The following MOB3B variants were observed in gnomAD, a reference collection of about 807,000 sequenced individuals.
The protein encoded by MOB3B is MOB kinase activator 3B.
MOB3B carries 7 observed loss-of-function variants against 18.7 expected under a neutral mutation model. That is an observed-to-expected ratio of 0.37 (90% CI 0.21 to 0.70). MOB3B has a LOEUF of 0.70. MOB3B is among the 30% of genes least tolerant of loss of function. MOB3B has a pLI of 0.52. For missense variants in MOB3B, 253 were observed against 281.3 expected, an observed-to-expected ratio of 0.90 and a Z score of 0.72; for synonymous variants, 111 against 99.9, an observed-to-expected ratio of 1.11 and a Z score of -0.66.
chr9:27,400,889 G>C (rs905418424), intron 2 of MOB3B, among the ~76,000 whole-genome samples: 1 of 152,224 alleles, frequency 6.6e-6, no homozygotes, highest in Non-Finnish European at 1.5e-5. Context: ...GGCTTCTGTG[G>C]AGAAGGCAAA....
intron 2 of MOB3B, chr9:27,378,496 GCCAGGGTTTAGTC>G: frequency 2.1e-6 from 1 of 471,156 alleles, no homozygotes; most frequent in South Asian, 1.5e-5. Context: ...AAGGGCAAAA[GCCAGGGTTTAGTC>G]CCAGAACTAT....
chr9:27,486,997 G>A (rs1819737585), intron 1 of MOB3B, among the ~76,000 whole-genome samples: 1 of 152,112 alleles, frequency 6.6e-6, no homozygotes. Context: ...TGGGTGTGGT[G>A]TCACATGTCT....
intron 1 of MOB3B, among the ~76,000 whole-genome samples, chr9:27,511,489 T>C (rs910951966): frequency 2.6e-5 from 4 of 152,190 alleles, no homozygotes; most frequent in African/African-American, 7.2e-5. Context: ...GCTGCGGATG[T>C]TGGCTCCTGT....
intron 2 of MOB3B, among the ~76,000 whole-genome samples, chr9:27,411,156 G>C (rs1212358827): frequency 1.3e-5 from 2 of 152,142 alleles, no homozygotes; most frequent in African/African-American, 4.8e-5. Flanking sequence ...TGGCAGATGG[G>C]GTCTTCCCTA....
intron 2 of MOB3B, among the ~76,000 whole-genome samples, chr9:27,447,828 C>A (rs977618195): frequency 5.9e-5 from 9 of 152,126 alleles, no homozygotes; most frequent in Admixed American, 2.0e-4. Context: ...TCTCCAGCAG[C>A]CAGTGGGGTG....
intron 2 of MOB3B, among the ~76,000 whole-genome samples, chr9:27,426,749 T>C (rs995334839): frequency 3.3e-5 from 5 of 152,178 alleles, no homozygotes; most frequent in African/African-American, 1.2e-4. Context: ...CAAGACTCAC[T>C]TCCCAGGCTT....
At chr9:27,357,888 C>CAAAAAAAAAAAGAAAAAAAAAAAAA (rs1821215361) in intron 3 of MOB3B, among the ~76,000 whole-genome samples, 1 of 57,944 alleles carries the variant, frequency 1.7e-5, no homozygotes, top group Non-Finnish European at 3.2e-5. Context: ...CCCATCGCTA[C>CAAAAAAAAAAAGAAAAAAAAAAAAA]AAAAAAAAAA....
intron 1 of MOB3B, among the ~76,000 whole-genome samples, chr9:27,496,849 C>T (rs1319226135): frequency 1.3e-5 from 2 of 152,124 alleles, no homozygotes; most frequent in East Asian, 3.9e-4. Context: ...TTTCTTGGTC[C>T]CAAGGGTTCC....
chr9:27,369,739 AG>A (rs1333391255), intron 2 of MOB3B, among the ~76,000 whole-genome samples: 1 of 152,126 alleles, frequency 6.6e-6, no homozygotes. Flanking sequence ...TACATACTGG[AG>A]GGTTGGTAGC....
At chr9:27,380,262 ATTTTTT>A (rs551179750) in intron 2 of MOB3B, among the ~76,000 whole-genome samples, 5 of 135,432 alleles carry the variant, frequency 3.7e-5, no homozygotes, top group Non-Finnish European at 6.3e-5. Flanking sequence ...AAGAGATAGG[ATTTTTT>A]TTTTTTTTTT....
chr9:27,468,794 C>A (rs1819427310), intron 1 of MOB3B, among the ~76,000 whole-genome samples: 1 of 152,184 alleles, frequency 6.6e-6, no homozygotes, highest in Non-Finnish European at 1.5e-5. Flanking sequence ...GAGGACTAGG[C>A]CCCCATAATC....
intron 2 of MOB3B, among the ~76,000 whole-genome samples, chr9:27,363,691 A>G (rs951233924): frequency 6.6e-6 from 1 of 151,974 alleles, no homozygotes; most frequent in African/African-American, 2.4e-5. Context: ...TCAGCATCCT[A>G]TAGGTTCTAT....
intron 1 of MOB3B, among the ~76,000 whole-genome samples, chr9:27,474,962 G>A (rs1261631262): frequency 6.6e-6 from 1 of 152,164 alleles, no homozygotes; most frequent in East Asian, 1.9e-4. Context: ...TGCTCTGATT[G>A]AGTGAAGGCT....
chr9:27,438,403 T>A (rs1587214296), intron 2 of MOB3B, among the ~76,000 whole-genome samples: 1 of 152,090 alleles, frequency 6.6e-6, no homozygotes, highest in East Asian at 1.9e-4. Flanking sequence ...TGGTAGGAGG[T>A]CCCCTTCAGC....
intron 1 of MOB3B, among the ~76,000 whole-genome samples, chr9:27,516,554 G>T (rs2131504117): frequency 6.6e-6 from 1 of 152,308 alleles, no homozygotes; most frequent in South Asian, 2.1e-4. Flanking sequence ...GGATTACAGT[G>T]TTATGTTCAA....
intron 3 of MOB3B, among the ~76,000 whole-genome samples, chr9:27,346,432 G>A (rs1821031938): frequency 6.6e-6 from 1 of 152,172 alleles, no homozygotes; most frequent in Admixed American, 6.5e-5. Context: ...CTCTGCATCT[G>A]ATTTTCTTCC....
chr9:27,355,620 C>T (rs1354490900), intron 3 of MOB3B, among the ~76,000 whole-genome samples: 2 of 147,868 alleles, frequency 1.4e-5, no homozygotes, highest in East Asian at 4.0e-4. Flanking sequence ...ACTGCAGTGG[C>T]GTGATCTCGG....
intron 3 of MOB3B, among the ~76,000 whole-genome samples, chr9:27,335,272 G>C (rs1563842917): frequency 6.6e-6 from 1 of 152,202 alleles, no homozygotes. Flanking sequence ...TGTTATAGCT[G>C]GGAGGAAACA....
At chr9:27,420,649 C>G in intron 2 of MOB3B, among the ~76,000 whole-genome samples, 1 of 140,778 alleles carries the variant, frequency 7.1e-6, no homozygotes, top group East Asian at 2.1e-4. Flanking sequence ...TGCAGTGACC[C>G]GGATGAGATT....
Sources: allele counts gnomAD v4.1 joint callset (sites outside exome capture counted in the v4.1 genomes callset), GRCh38; gene constraint gnomAD v4.1.1; transcripts MANE v1.5; gene names NCBI Gene and HGNC (gene_info 2026-07-23, HGNC 2026-07-21).